IL1RAPL2: variants seen among roughly 807,000 people sequenced by gnomAD.
IL1RAPL2 encodes the protein interleukin 1 receptor accessory protein like 2.
Under a neutral mutation model 44.1 loss-of-function variants are expected in IL1RAPL2, and 3 were observed. The observed-to-expected ratio is 0.07, with a 90% CI of 0.03 to 0.18. IL1RAPL2 has a LOEUF of 0.18. IL1RAPL2 is among the 10% of genes least tolerant of loss of function. IL1RAPL2 has a pLI of 1.00. For synonymous variants in IL1RAPL2, 181 were observed against 178.8 expected (o/e 1.01, Z -0.10); for missense variants, 391 against 496.4 (o/e 0.79, Z 2.02).
chrX:104,662,027 A>G (rs1183043372), intron 2 of IL1RAPL2, among the ~76,000 whole-genome samples: 1 of 112,332 alleles, frequency 8.9e-6, no homozygotes, highest in Non-Finnish European at 1.9e-5. Context: ...GGCCACCCTT[A>G]TGCACAAGAC....
intron 2 of IL1RAPL2, among the ~76,000 whole-genome samples, chrX:105,086,022 C>T (rs7879465): frequency 0.019 from 2,156 of 111,165 alleles, 54 homozygotes; most frequent in African/African-American, 0.067. Flanking sequence ...GTTGGTCTTG[C>T]TCTCCCAGTG....
intron 6 of IL1RAPL2, among the ~76,000 whole-genome samples, chrX:105,660,770 TA>T (rs770803494): frequency 3.7e-5 from 4 of 108,591 alleles, no homozygotes; most frequent in South Asian, 7.8e-4. Flanking sequence ...CAAAACAACA[TA>T]AAACAGATAT....
At chrX:105,278,585 TA>T (rs2034503916) in intron 5 of IL1RAPL2, among the ~76,000 whole-genome samples, 1 of 111,580 alleles carries the variant, frequency 9.0e-6, no homozygotes, top group African/African-American at 3.3e-5. Context: ...CTAGATCCAA[TA>T]GAGTAGAGCA....
In IL1RAPL2 at chrX:104,914,820, G is replaced by GT. The variant is rs200088036; in HGVS notation, c.82+255831dup. Among the ~76,000 whole-genome samples, 713 of 110,666 alleles carry GT rather than the reference G, an allele frequency of 6.4e-3. 3 individuals carry two copies. The highest frequency in any genetic ancestry group is 0.022 in the African/African-American group (668 of 30,347). On this transcript the variant is annotated intron_variant, in intron 2 of 10. Transcript: ENST00000372582. ...TATGAGTGAGAACATGCGGTGTTTGGTTTTTTGTCCTTGCCGTAGTTAACT... is the reference window on the plus strand; with the variant it reads ...TATGAGTGAGAACATGCGGTGTTTGGTTTTTTTGTCCTTGCCGTAGTTAACT...
At chrX:104,942,826 T>A (rs1925222381) in intron 2 of IL1RAPL2, among the ~76,000 whole-genome samples, 1 of 111,522 alleles carries the variant, frequency 9.0e-6, no homozygotes, top group South Asian at 3.8e-4. Flanking sequence ...ATATTGGCTG[T>A]GGGTTTGTCA....
chrX:105,347,152 C>A (rs141830345), intron 5 of IL1RAPL2, among the ~76,000 whole-genome samples: 1 of 112,032 alleles, frequency 8.9e-6, no homozygotes, highest in Non-Finnish European at 1.9e-5. Flanking sequence ...CTTCCCCATG[C>A]ACCCATACCT....
At chrX:105,451,894 C>T (rs2036021990) in intron 5 of IL1RAPL2, among the ~76,000 whole-genome samples, 1 of 111,293 alleles carries the variant, frequency 9.0e-6, no homozygotes, top group African/African-American at 3.3e-5. Context: ...AGTTTTTTCC[C>T]TACTTATAAT....
At chrX:104,918,485 A>G (rs767905946) in intron 2 of IL1RAPL2, among the ~76,000 whole-genome samples, 3 of 112,347 alleles carry the variant, frequency 2.7e-5, no homozygotes, top group African/African-American at 9.7e-5. Context: ...ATGGGGTTAC[A>G]TTAACACACT....
At chrX:105,254,273 G>T (rs1033778246) in intron 4 of IL1RAPL2, among the ~76,000 whole-genome samples, 3 of 111,555 alleles carry the variant, frequency 2.7e-5, no homozygotes, top group Non-Finnish European at 5.7e-5. Flanking sequence ...ATTTCATTGT[G>T]GCTTTGATTT....
At chrX:105,081,511 G>A (rs903669713) in intron 2 of IL1RAPL2, among the ~76,000 whole-genome samples, 1 of 111,491 alleles carries the variant, frequency 9.0e-6, no homozygotes, top group Non-Finnish European at 1.9e-5. Context: ...CCCCTTTGGC[G>A]AAGGTCTATT....
chrX:105,192,595 T>C (rs2033641550), intron 2 of IL1RAPL2, among the ~76,000 whole-genome samples: 1 of 111,823 alleles, frequency 8.9e-6, no homozygotes, highest in Non-Finnish European at 1.9e-5. Context: ...GGTTTAAGGC[T>C]ACAATGCCTT....
At chrX:105,126,991 T>G (rs1437096172) in intron 2 of IL1RAPL2, among the ~76,000 whole-genome samples, 1 of 111,174 alleles carries the variant, frequency 9.0e-6, no homozygotes, top group African/African-American at 3.2e-5. Context: ...TGTTGAGAGT[T>G]GGAAATCAAT....
chrX:105,300,043 T>A (rs1342808184), intron 5 of IL1RAPL2, among the ~76,000 whole-genome samples: 1 of 110,827 alleles, frequency 9.0e-6, no homozygotes. Context: ...AAGTCTAGAG[T>A]TTTGACTCTG....
chrX:105,503,488 T>C (rs1286529493), intron 6 of IL1RAPL2, among the ~76,000 whole-genome samples: 1 of 111,490 alleles, frequency 9.0e-6, no homozygotes, highest in Non-Finnish European at 1.9e-5. Flanking sequence ...GGCTTTCTTA[T>C]TGGACAGTGA....
intron 3 of IL1RAPL2, among the ~76,000 whole-genome samples, chrX:105,211,418 C>A (rs1313427472): frequency 9.0e-6 from 1 of 111,255 alleles, no homozygotes; most frequent in Non-Finnish European, 1.9e-5. Flanking sequence ...AGTAGCAAAG[C>A]ACTGCCATGT....
At chrX:105,081,085 T>C (rs1320266258) in intron 2 of IL1RAPL2, among the ~76,000 whole-genome samples, 3 of 111,823 alleles carry the variant, frequency 2.7e-5, no homozygotes, top group African/African-American at 9.8e-5. Context: ...GGGACTTTGC[T>C]GAAGTTGCTT....
At chrX:104,742,187 T>C (rs144174923) in intron 2 of IL1RAPL2, among the ~76,000 whole-genome samples, 19 of 111,896 alleles carry the variant, frequency 1.7e-4, no homozygotes, top group Non-Finnish European at 3.4e-4. Context: ...TTCACGTTAT[T>C]CAATGAGACA....
At chrX:104,573,245 C>G (rs917325953) in intron 1 of IL1RAPL2, among the ~76,000 whole-genome samples, 2 of 111,796 alleles carry the variant, frequency 1.8e-5, no homozygotes, top group African/African-American at 6.5e-5. Flanking sequence ...CAGCTATGCT[C>G]TAGAAGTGCT....
At chrX:104,839,682 G>A (rs754903840) in intron 2 of IL1RAPL2, among the ~76,000 whole-genome samples, 2 of 111,642 alleles carry the variant, frequency 1.8e-5, no homozygotes, top group Non-Finnish European at 3.8e-5. Context: ...GTCTTTGTAC[G>A]TCTGGTAGAA....
Sources: allele counts gnomAD v4.1 joint callset (sites outside exome capture counted in the v4.1 genomes callset), GRCh38; gene constraint gnomAD v4.1.1; transcripts MANE v1.5; gene names NCBI Gene and HGNC (gene_info 2026-07-23, HGNC 2026-07-21).